The following MEGF6 variants were observed in gnomAD, a reference collection of about 807,000 sequenced individuals.
The protein encoded by MEGF6 is multiple EGF like domains 6, also known as multiple epidermal growth factor-like domains protein 6.
Under a neutral mutation model 207.1 loss-of-function variants are expected in MEGF6, and 184 were observed. The observed-to-expected ratio is 0.89, with a 90% CI of 0.79 to 1.00. MEGF6 has a LOEUF of 1.00. Ranked by LOEUF, MEGF6 falls within the 50% of genes least tolerant of loss-of-function variation. The probability of loss-of-function intolerance (pLI) is 0.00; values close to 1 mark genes in which losing one functional copy is unlikely to be tolerated. For missense variants in MEGF6, 2,282 were observed against 2,202.9 expected (o/e 1.04, Z -0.72); for synonymous variants, 1,038 against 910.0 (o/e 1.14, Z -2.53).
intron 29 of MEGF6, 135 bp downstream of exon 29, chr1:3,496,520 T>C: frequency 1.5e-6 from 2 of 1,334,750 alleles, no homozygotes; most frequent in South Asian, 2.7e-5. Flanking sequence ...TTAGCCCCAC[T>C]TGGGGCCAGG....
At chr1:3,616,107 AAGGTG>A, upstream of MEGF6, among the ~76,000 whole-genome samples, 5 of 152,166 alleles carry the variant, frequency 3.3e-5, no homozygotes, top group Non-Finnish European at 7.4e-5. Context: ...TGGATAACTC[AAGGTG>A]CTAATTTCCA....
rs1240033752 is a variant in MEGF6 at position 3,573,492 on chromosome 1, G to C, written c.481+6333C>G. ...GGTTAACCCGAGGCCACGTCCACAG[G>C]ACAAAGCTGAGATGCCTCCCCAGGA... On this transcript the variant is annotated intron_variant, in intron 4 of 36. Transcript: ENST00000356575. This position sits in a 1 kb window ranked among gnomAD's most constrained non-coding sequence, Gnocchi z 5.1. Among the ~76,000 whole-genome samples the C allele has an allele frequency of 6.6e-6, 1 of 152,216 alleles. No homozygotes were observed. Among genetic ancestry groups the C allele is most frequent in the Non-Finnish European group, 1.5e-5 (1 of 68,024 alleles).
chr1:3,492,878 C>T (rs1232957667), intron 34 of MEGF6, 111 bp from the exon 35 acceptor site: 2 of 1,459,908 alleles, frequency 1.4e-6, no homozygotes, highest in African/African-American at 1.4e-5. Context: ...GTGAAGCCTT[C>T]TGCCTGGGTG....
rs899018493 is a variant in MEGF6 at position 3,489,855 on chromosome 1, T to C, written c.*673A>G. ...GAGGTCCCTGGGTGCACCGTTATGC[T>C]GGCCGGGCCCCAGGGAGGAGCCCAC... is the stretch of plus-strand genomic sequence containing the variant. On this transcript the variant is annotated 3_prime_UTR_variant, in exon 37 of 37. Transcript: ENST00000356575. 6.6e-6 allele frequency: 1 copy of C among 152,290 alleles called. No individual in the cohort carries two copies. The highest frequency in any genetic ancestry group is 1.5e-5 in the Non-Finnish European group (1 of 68,086). The allele number at this position is 152,290 out of a possible 1,614,324, so 9.4% of individuals were successfully genotyped here.
At chr1:3,596,769 TG>T (rs1318337113) in intron 2 of MEGF6, among the ~76,000 whole-genome samples, 2 of 148,074 alleles carry the variant, frequency 1.4e-5, no homozygotes, top group African/African-American at 2.5e-5. Flanking sequence ...CCCCCACGCA[TG>T]GGAAGTCTTG....
In MEGF6 at chr1:3,502,592, G is replaced by A. The variant is rs563250102; in HGVS notation, c.2189-671C>T. ...GCCTAGGGTCCCCCCTGCTCCACCC[G>A]GCAGGTGAATGAGACCCCAGGGAGC... On this transcript the variant is annotated intron_variant, in intron 17 of 36. Transcript: ENST00000356575. Among the ~76,000 whole-genome samples, 9 of 152,258 alleles carry A rather than the reference G, an allele frequency of 5.9e-5. No homozygotes were observed. The South Asian group carries it at 6.2e-4, about 11-fold the overall frequency.
chr1:3,595,094 C>CAAT (rs1557805125), intron 3 of MEGF6, among the ~76,000 whole-genome samples: 1 of 152,216 alleles, frequency 6.6e-6, no homozygotes, highest in Non-Finnish European at 1.5e-5. Flanking sequence ...TCCTGTCCTC[C>CAAT]GGCAGAGCCA....
At position 3,490,392 on chromosome 1, in the gene MEGF6, ACAG is replaced by A. The variant is rs1353925162; in HGVS notation, c.*133_*135del. 1.1e-5 allele frequency: 11 copies of A among 982,654 alleles called. No homozygotes were observed. The African/African-American group carries it at 1.8e-4, about 16-fold the overall frequency. 60.9% of individuals were successfully genotyped at this position (982,654 alleles called of 1,614,324 possible). ...AGAGCGACAGGTTGCTGGGCTGTCC[ACAG>A]CCCTCCACGGCCCTCAAAGGAAGGG... On this transcript the variant is annotated 3_prime_UTR_variant, in exon 37 of 37. Transcript: ENST00000356575.
chr1:3,562,121 CTG>C, intron 4 of MEGF6, among the ~76,000 whole-genome samples: 1 of 152,320 alleles, frequency 6.6e-6, no homozygotes, highest in East Asian at 1.9e-4. Context: ...GCCCTCTCCT[CTG>C]TGTGTCTCTC....
intron 3 of MEGF6, among the ~76,000 whole-genome samples, chr1:3,586,209 G>A (rs1643892526): frequency 6.6e-6 from 1 of 151,588 alleles, no homozygotes; most frequent in Non-Finnish European, 1.5e-5. Context: ...CTGTGTGTGA[G>A]GACACATGTC....
chr1:3,571,542 G>T (rs188620888), intron 4 of MEGF6, among the ~76,000 whole-genome samples: 9 of 152,144 alleles, frequency 5.9e-5, no homozygotes, highest in Admixed American at 5.9e-4. Flanking sequence ...CAGACACACT[G>T]AGTCCTCCCC....
Position 3,496,749 on chromosome 1 carries a change from T to C in MEGF6, c.3648A>G (p.Glu1216=), listed in dbSNP as rs1219782990. The change falls in exon 29 of 37, where the codon GAA becomes GAG. Residue 1216 remains glutamate, a synonymous_variant. Coordinates refer to ENST00000356575, the MANE Select transcript of MEGF6 (RefSeq NM_001409.4). ...CCCCGTTGAGACACCCACACAGCTG[T>C]TCACAGCCTGGCCCATACCGCCCGG... ...CPPGRYGPGC[E]QLCGCLNGGS... 2.6e-6 allele frequency: 4 copies of C among 1,559,016 alleles called. No homozygotes were observed. The highest frequency in any genetic ancestry group is 3.5e-6 in the Non-Finnish European group (4 of 1,152,086).
In MEGF6 at chr1:3,493,875, T is replaced by C. The variant is rs1340507161; in HGVS notation, c.4283A>G (p.Glu1428Gly). Residue 1428 changes from glutamate (E) to glycine (G), a missense_variant, in exon 34 of 37, where the codon GAG (glutamate) becomes GGG (glycine). Glu to Gly is a moderately conservative substitution (Grantham distance 98, BLOSUM62 -2). Coordinates refer to ENST00000356575, the MANE Select transcript of MEGF6 (RefSeq NM_001409.4). ...ACAGTCACAGCGCTGGTGGCAGCCC[T>C]CTCCAAATGAACCTGGCTCACACCC... is the stretch of plus-strand genomic sequence containing the variant. ...ERGCEPGSFG[E>G]GCHQRCDCDG... 6.3e-7 allele frequency: 1 copy of C among 1,594,290 alleles called. No homozygotes were observed. Among genetic ancestry groups the C allele is most frequent in the Admixed American group, 1.8e-5 (1 of 56,900 alleles).
Position 3,496,689 on chromosome 1 carries a change from G to T in MEGF6, c.3708C>A (p.Cys1236Ter). 1.3e-6 allele frequency: 2 copies of T among 1,565,468 alleles called. No homozygotes were observed. The highest frequency in any genetic ancestry group is 1.7e-6 in the Non-Finnish European group (2 of 1,155,510). ...SCDAATGACR[C>*]PTGFLGTDCN... Reference sequence around the variant, plus strand: ...AGTCCGTCCCGAGGAACCCAGTGGGGCAGCGGCAGGCCCCCGTGGCCGCAT... The same window carrying T: ...AGTCCGTCCCGAGGAACCCAGTGGGTCAGCGGCAGGCCCCCGTGGCCGCAT... The change falls in exon 29 of 37, where the codon TGC becomes TGA. Residue 1236 changes from cysteine (C) to a stop codon, truncating the protein, a stop_gained. Coordinates refer to ENST00000356575, the MANE Select transcript of MEGF6 (RefSeq NM_001409.4). LOFTEE classifies it high-confidence loss of function.
rs753729083 is a variant in MEGF6 at position 3,500,957 on chromosome 1, C to A, written c.2575+9G>T. On this transcript the variant is annotated intron_variant, in intron 20 of 36. Coordinates refer to ENST00000356575, the MANE Select transcript of MEGF6 (RefSeq NM_001409.4). The stretch of plus-strand genomic sequence containing the variant: ...GTCTGGACAAAGGGCAAGCCAAGGG[C>A]CCCCGTACCTCTCTGGCAGCTAAAG... 2.5e-6 allele frequency: 4 copies of A among 1,611,152 alleles called. No homozygotes were observed. The Admixed American group carries it at 6.7e-5, about 27-fold the overall frequency.
At chr1:3,558,623 C>A (rs1295025831) in intron 4 of MEGF6, among the ~76,000 whole-genome samples, 1 of 152,226 alleles carries the variant, frequency 6.6e-6, no homozygotes, top group Non-Finnish European at 1.5e-5. Context: ...TGCGGTCCAA[C>A]TGCAGCCAAT....
chr1:3,561,132 G>A (rs535549557), intron 4 of MEGF6, among the ~76,000 whole-genome samples: 245 of 152,316 alleles, frequency 1.6e-3, no homozygotes, highest in Non-Finnish European at 3.0e-3. Context: ...GAGGCGGCAC[G>A]GCAGGTCGGG....
the MEGF6 span, among the ~76,000 whole-genome samples, chr1:3,621,782 C>T: frequency 6.6e-6 from 1 of 152,188 alleles, no homozygotes. Context: ...CTTGGAAGCC[C>T]ACCCCTTGCA....
intron 1 of MEGF6, among the ~76,000 whole-genome samples, chr1:3,609,716 G>C (rs1400957689): frequency 2.0e-5 from 3 of 152,158 alleles, no homozygotes; most frequent in Non-Finnish European, 2.9e-5. Flanking sequence ...AGGACCTCCC[G>C]AGCCCAGGTG....
Sources: allele counts gnomAD v4.1 joint callset (sites outside exome capture counted in the v4.1 genomes callset), GRCh38; gene constraint gnomAD v4.1.1; non-coding constraint Gnocchi (gnomAD v3.1); transcripts MANE v1.5; gene names NCBI Gene and HGNC (gene_info 2026-07-23, HGNC 2026-07-21).